Variants in MARCHF8 observed in about 807,000 individuals in gnomAD.
MARCHF8 encodes the protein membrane associated ring-CH-type finger 8, also known as E3 ubiquitin-protein ligase MARCHF8.
A neutral mutation model predicts 51.6 loss-of-function variants in MARCHF8; 40 were observed. That is an observed-to-expected ratio of 0.77 (90% CI 0.60 to 1.01). The LOEUF (loss-of-function observed/expected upper bound fraction) is 1.01. Ranked by LOEUF, MARCHF8 falls within the 50% of genes least tolerant of loss-of-function variation. The probability of loss-of-function intolerance (pLI) is 0.00; values close to 1 mark genes in which losing one functional copy is unlikely to be tolerated. For synonymous variants in MARCHF8, 263 were observed against 280.3 expected (o/e 0.94, Z 0.62); for missense variants, 685 against 708.6 (o/e 0.97, Z 0.38).
chr10:45,463,810 A>G lies in MARCHF8; in HGVS notation c.429T>C (p.Ala143=). The G allele has an allele frequency of 1.3e-6, 2 of 1,549,126 alleles. No individual in the cohort carries two copies. The highest frequency in any genetic ancestry group is 1.4e-5 in the African/African-American group (1 of 73,156). The change falls in exon 5 of 8, where the codon GCT becomes GCC. Residue 143 remains alanine, a synonymous_variant. Coordinates refer to ENST00000453424, the MANE Select transcript of MARCHF8 (RefSeq NM_001282866.2). ...GTGTTCTTCTGGCTTTGGTATTCTT[A>G]GCAGGCTTCAAGGCCTGGGCCCATT... ...GSEWAQALKP[A]KNTKARRTLK...
chr10:45,510,396 A>G (rs2043475720), intron 2 of MARCHF8, among the ~76,000 whole-genome samples: 1 of 152,206 alleles, frequency 6.6e-6, no homozygotes, highest in South Asian at 2.1e-4. Flanking sequence ...ACATAAAAGG[A>G]AAAGCCAAGT....
chr10:45,533,087 T>C lies in MARCHF8; in HGVS notation c.102+23A>G. The C allele has an allele frequency of 3.2e-6, 5 of 1,566,486 alleles. No homozygotes were observed. The Admixed American group carries it at 6.1e-5, about 19-fold the overall frequency. On this transcript the variant is annotated intron_variant, in intron 2 of 7. Transcript: ENST00000453424. Reference sequence around the variant, plus strand: ...AAAAATTTAATAAAAATAATGAAACTAAAAAAGATACTCTCCCAGTACCTG... The same window carrying C: ...AAAAATTTAATAAAAATAATGAAACCAAAAAAGATACTCTCCCAGTACCTG...
At chr10:45,553,770 T>TACCATTC (rs1401796464) in intron 1 of MARCHF8, among the ~76,000 whole-genome samples, 1 of 152,152 alleles carries the variant, frequency 6.6e-6, no homozygotes, top group East Asian at 1.9e-4. Flanking sequence ...CATAGTGTGC[T>TACCATTC]ACCATTCACC....
chr10:45,545,065 G>A (rs982886450), intron 1 of MARCHF8, among the ~76,000 whole-genome samples: 3 of 152,040 alleles, frequency 2.0e-5, no homozygotes, highest in African/African-American at 7.2e-5. Context: ...TCAACCATCT[G>A]ACCATCCTGA....
intron 2 of MARCHF8, among the ~76,000 whole-genome samples, chr10:45,523,449 A>G (rs1381692586): frequency 6.6e-6 from 1 of 152,242 alleles, no homozygotes; most frequent in Non-Finnish European, 1.5e-5. Flanking sequence ...ACTTGAGCCC[A>G]GCAGTTCAAG....
chr10:45,472,201 CCCT>C (rs1267878296), intron 3 of MARCHF8, among the ~76,000 whole-genome samples: 7 of 152,204 alleles, frequency 4.6e-5, no homozygotes, highest in African/African-American at 1.7e-4. Flanking sequence ...GCATGATGGC[CCCT>C]CCTCCTTTCT....
intron 3 of MARCHF8, among the ~76,000 whole-genome samples, chr10:45,485,073 G>T (rs2042956130): frequency 6.6e-6 from 1 of 152,194 alleles, no homozygotes; most frequent in Non-Finnish European, 1.5e-5. Flanking sequence ...GATGAAGAGG[G>T]ATGAACCAAT....
chr10:45,472,923 T>A (rs2042720355), intron 3 of MARCHF8, among the ~76,000 whole-genome samples: 2 of 152,210 alleles, frequency 1.3e-5, no homozygotes, highest in Admixed American at 6.5e-5. Context: ...GGAATAAATA[T>A]CCTGTTTTGG....
chr10:45,538,800 C>T (rs1317085823), upstream of MARCHF8, among the ~76,000 whole-genome samples: 4 of 152,192 alleles, frequency 2.6e-5, no homozygotes, highest in Non-Finnish European at 4.4e-5. Context: ...AATACAGGAG[C>T]ACCCAGATTC....
chr10:45,464,133 A>G, intron 4 of MARCHF8, 106 bp downstream of exon 4: 1 of 1,555,566 alleles, frequency 6.4e-7, no homozygotes, highest in Non-Finnish European at 8.8e-7. Context: ...AACTGTTTAG[A>G]CCAAAGGCAG....
intron 2 of MARCHF8, among the ~76,000 whole-genome samples, chr10:45,511,825 G>A (rs1456090496): frequency 2.6e-5 from 4 of 152,018 alleles, no homozygotes; most frequent in Admixed American, 6.5e-5. Flanking sequence ...CTGCCCGGCC[G>A]CCACCCCGTC....
At chr10:45,480,471 CTAG>C (rs2042865350) in intron 3 of MARCHF8, among the ~76,000 whole-genome samples, 3 of 151,138 alleles carry the variant, frequency 2.0e-5, no homozygotes, top group African/African-American at 7.3e-5. Flanking sequence ...GCCCAGAGGA[CTAG>C]GAGGAAAAAA....
At chr10:45,575,920 G>A (rs764869724) in intron 1 of MARCHF8, among the ~76,000 whole-genome samples, 12 of 152,024 alleles carry the variant, frequency 7.9e-5, no homozygotes, top group Admixed American at 7.9e-4. Context: ...AGAACAACCC[G>A]CTTTGACTAA....
intron 3 of MARCHF8, 76 bp downstream of exon 3, chr10:45,489,291 A>T: frequency 9.0e-7 from 1 of 1,108,380 alleles, no homozygotes; most frequent in Non-Finnish European, 1.3e-6. Context: ...AAAAAAAAAA[A>T]GAGTATAAAC....
chr10:45,557,116 CTTTTTTTTTTTTTT>C (rs58172142), intron 1 of MARCHF8, among the ~76,000 whole-genome samples: 1 of 66,208 alleles, frequency 1.5e-5, no homozygotes, highest in Admixed American at 1.8e-4. Context: ...GGTGCCTATT[CTTTTTTTTTTTTTT>C]TTTTTTTTTT....
chr10:45,506,217 A>C (rs2043380680), intron 2 of MARCHF8, among the ~76,000 whole-genome samples: 1 of 152,246 alleles, frequency 6.6e-6, no homozygotes, highest in Admixed American at 6.5e-5. Flanking sequence ...GAGCTGTATT[A>C]AGAAATCAAG....
intron 6 of MARCHF8, among the ~76,000 whole-genome samples, chr10:45,460,395 T>G (rs1246517344): frequency 1.3e-5 from 2 of 152,210 alleles, no homozygotes; most frequent in African/African-American, 4.8e-5. Flanking sequence ...GAGGCTACCA[T>G]CGCTCCACTT....
At chr10:45,524,407 G>A (rs1340762218) in intron 2 of MARCHF8, among the ~76,000 whole-genome samples, 1 of 152,186 alleles carries the variant, frequency 6.6e-6, no homozygotes, top group Non-Finnish European at 1.5e-5. Context: ...AAAGACTCCA[G>A]GGAGCAAGAA....
At chr10:45,574,654 C>A (rs1051780246) in intron 1 of MARCHF8, among the ~76,000 whole-genome samples, 1 of 152,122 alleles carries the variant, frequency 6.6e-6, no homozygotes, top group African/African-American at 2.4e-5. Context: ...CCTTTTTATC[C>A]AAACAATTTG....
Sources: gnomAD v4.1 joint callset for allele counts (sites outside exome capture counted in the v4.1 genomes callset) on GRCh38, gnomAD v4.1.1 for gene constraint, MANE v1.5 for transcripts, NCBI Gene and HGNC (gene_info 2026-07-23, HGNC 2026-07-21) for gene names.